AP4E1: variants seen among roughly 807,000 people sequenced by gnomAD.
AP4E1 encodes the protein adaptor related protein complex 4 subunit epsilon 1, also known as AP-4 complex subunit epsilon-1.
Under a neutral mutation model 128.2 loss-of-function variants are expected in AP4E1, and 56 were observed. The observed-to-expected ratio is 0.44, with a 90% CI of 0.35 to 0.55. AP4E1 has a LOEUF of 0.55. Among genes scored for constraint, AP4E1 ranks in the 20% least tolerant of loss-of-function variants. The pLI, the probability that AP4E1 is intolerant of heterozygous loss-of-function variation, is 0.00. For missense variants in AP4E1, 1,324 were observed against 1,307.7 expected (o/e 1.01, Z -0.19); for synonymous variants, 484 against 473.1 (o/e 1.02, Z -0.30).
In AP4E1 at chr15:50,908,789, T is replaced by C; in HGVS notation, c.11T>C (p.Ile4Thr). ...CGGGCGGCGGCGGCGATGAGCGACA[T>C]AGTGGAGAAGACGCTGACGGCGCTG... is the stretch of plus-strand genomic sequence containing the variant. MSD[I>T]VEKTLTALPG... The change falls in exon 1 of 21, where the codon ATA (isoleucine) becomes ACA (threonine). Residue 4 changes from isoleucine (I) to threonine (T), a missense_variant. Transcript: ENST00000261842. The C allele has an allele frequency of 3.1e-6, 5 of 1,589,060 alleles. No homozygotes were observed. The highest frequency in any genetic ancestry group is 4.3e-6 in the Non-Finnish European group (5 of 1,168,314).
intron 6 of AP4E1, 99 bp downstream of exon 6, chr15:50,929,267 A>AG: frequency 2.3e-6 from 3 of 1,305,868 alleles, no homozygotes; most frequent in Non-Finnish European, 3.2e-6. Context: ...TGCTTAGTTA[A>AG]CATTTTATAA....
chr15:50,928,422 G>C (rs2063793076), intron 5 of AP4E1, among the ~76,000 whole-genome samples: 1 of 151,982 alleles, frequency 6.6e-6, no homozygotes, highest in Non-Finnish European at 1.5e-5. Flanking sequence ...CAAGTAACTG[G>C]AACTACAGGT....
rs2064998046 is a variant in AP4E1 at position 51,004,402 on chromosome 15, T to C, written c.*1740T>C. 1 of 152,220 alleles carries C rather than the reference T, an allele frequency of 6.6e-6. No homozygotes were observed. The highest frequency in any genetic ancestry group is 2.4e-5 in the African/African-American group (1 of 41,458). The allele number at this position is 152,220 out of a possible 1,614,324, so 9.4% of individuals were successfully genotyped here. ...AATTTTTTGTGTCCTTACTTCCCTATGTTTGCCTAGTTACTGAGGCTAGGT... is the reference window on the plus strand; with the variant it reads ...AATTTTTTGTGTCCTTACTTCCCTACGTTTGCCTAGTTACTGAGGCTAGGT... On this transcript the variant is annotated 3_prime_UTR_variant, in exon 21 of 21. Transcript: ENST00000261842.
chr15:50,954,578 G>C lies in AP4E1; in HGVS notation c.1549-3914G>C, dbSNP rs556247657. Among the ~76,000 whole-genome samples the C allele has an allele frequency of 4.8e-4, 73 of 152,128 alleles. 2 individuals carry two copies. In the South Asian group the frequency reaches 0.015, roughly 31 times the overall value. On this transcript the variant is annotated intron_variant, in intron 13 of 20. Transcript: ENST00000261842. Reference sequence around the variant, plus strand: ...GAAAATTTTCTGTTATCTTTCTGTTGCTGATTTCTAGTTTGCTTTCATTGT... The same window carrying C: ...GAAAATTTTCTGTTATCTTTCTGTTCCTGATTTCTAGTTTGCTTTCATTGT...
chr15:50,958,181 C>G (rs2064257056), intron 13 of AP4E1, among the ~76,000 whole-genome samples: 1 of 152,038 alleles, frequency 6.6e-6, no homozygotes, highest in South Asian at 2.1e-4. Flanking sequence ...TCAATAAGTG[C>G]TTACTGGAAA....
At chr15:50,981,275 A>G (rs1331468985) in intron 15 of AP4E1, among the ~76,000 whole-genome samples, 1 of 152,162 alleles carries the variant, frequency 6.6e-6, no homozygotes, top group Non-Finnish European at 1.5e-5. Flanking sequence ...GTGTTCCCAA[A>G]AGGTGGGACG....
chr15:50,910,683 T>C (rs1290274083), intron 1 of AP4E1, among the ~76,000 whole-genome samples: 1 of 152,128 alleles, frequency 6.6e-6, no homozygotes, highest in Non-Finnish European at 1.5e-5. Context: ...TGAGATGGAG[T>C]CTCACTCTGT....
chr15:51,000,952 A>G, intron 19 of AP4E1, 74 bp from the exon 20 acceptor site: 1 of 1,132,392 alleles, frequency 8.8e-7, no homozygotes, highest in African/African-American at 1.9e-5. Context: ...TATTCTCATG[A>G]GGCATTTGAA....
rs71127166 is a variant in AP4E1 at position 50,951,726 on chromosome 15, C to CTTT, written c.1548+1573_1548+1575dup. 5.4e-3 allele frequency among the ~76,000 whole-genome samples: 680 copies of CTTT among 126,008 alleles called. 16 individuals carry two copies. The highest frequency in any genetic ancestry group is 0.018 in the African/African-American group (588 of 33,016). The allele number at this position is 126,008 out of a possible 152,430, so 82.7% of individuals were successfully genotyped here. On this transcript the variant is annotated intron_variant, in intron 13 of 20. Coordinates refer to ENST00000261842, the MANE Select transcript of AP4E1 (RefSeq NM_007347.5). ...TTAGTTTTTTCAGTTAATTTTCTTT[C>CTTT]TTTTTTTTTTTTTTTTTTGAGACAG...
intron 10 of AP4E1, 100 bp from the exon 11 acceptor site, chr15:50,947,920 A>T (rs1186696538): frequency 1.0e-6 from 1 of 978,706 alleles, no homozygotes; most frequent in Non-Finnish European, 1.5e-6. Flanking sequence ...TCTCCATAAA[A>T]GTAGAAGAAT....
At chr15:50,927,195 C>T (rs1009232672) in intron 5 of AP4E1, among the ~76,000 whole-genome samples, 3 of 152,054 alleles carry the variant, frequency 2.0e-5, no homozygotes. Flanking sequence ...TGAAAGGTCC[C>T]GTTTCAATTT....
rs572517917 is a variant in AP4E1 at position 50,947,992 on chromosome 15, T to G, written c.1177-28T>G. On this transcript the variant is annotated intron_variant, in intron 10 of 20. Transcript: ENST00000261842. ...TGGTGTTATGCATAGTTTTATAATATTGTTTTTAATTTTTCTTCTTTAAAT... is the reference window on the plus strand; with the variant it reads ...TGGTGTTATGCATAGTTTTATAATAGTGTTTTTAATTTTTCTTCTTTAAAT... The G allele has an allele frequency of 9.9e-6, 15 of 1,512,848 alleles. No individual in the cohort carries two copies. In the South Asian group the frequency reaches 1.7e-4, roughly 17 times the overall value. The allele number at this position is 1,512,848 out of a possible 1,614,324, so 93.7% of individuals were successfully genotyped here. A position where few individuals can be genotyped will look rare whatever the true frequency, so the allele number is the denominator to read the frequency against.
At chr15:50,972,404 G>T (rs1022745727) in intron 15 of AP4E1, among the ~76,000 whole-genome samples, 3 of 151,994 alleles carry the variant, frequency 2.0e-5, no homozygotes, top group African/African-American at 7.2e-5. Flanking sequence ...TAGAGACGGG[G>T]TTTCACCATG....
At chr15:50,967,139 G>T (rs2064405114) in intron 14 of AP4E1, among the ~76,000 whole-genome samples, 1 of 151,966 alleles carries the variant, frequency 6.6e-6, no homozygotes, top group Non-Finnish European at 1.5e-5. Flanking sequence ...CCATAGATTT[G>T]TGAAAAAGCA....
At chr15:50,920,443 G>A (rs1055757673) in intron 3 of AP4E1, among the ~76,000 whole-genome samples, 1 of 145,156 alleles carries the variant, frequency 6.9e-6, no homozygotes, top group Non-Finnish European at 1.5e-5. Flanking sequence ...CAGAGTCTCT[G>A]TCACCTAGGC....
chr15:50,909,034 C>T (rs2063532139), intron 1 of AP4E1, 106 bp downstream of exon 1: 1 of 1,524,822 alleles, frequency 6.6e-7, no homozygotes, highest in South Asian at 1.2e-5. Context: ...GTTAGCCCTC[C>T]GGCGGGGCTC....
intron 10 of AP4E1, 72 bp downstream of exon 10, chr15:50,941,847 A>G: frequency 9.0e-7 from 1 of 1,105,478 alleles, no homozygotes; most frequent in Non-Finnish European, 1.4e-6. Context: ...TTGTGTAGAG[A>G]GATTAAAGTG....
Position 50,964,955 on chromosome 15 carries a change from C to CCACACACACACACACACACACACACA in AP4E1, c.1852-3296_1852-3271dup, listed in dbSNP as rs55825810. Among the ~76,000 whole-genome samples the CCACACACACACACACACACACACACA allele has an allele frequency of 1.2e-3, 160 of 131,448 alleles. 1 individual carries two copies. The highest frequency in any genetic ancestry group is 3.7e-3 in the African/African-American group (123 of 33,202). 86.2% of individuals were successfully genotyped at this position (131,448 alleles called of 152,430 possible). On this transcript the variant is annotated intron_variant, in intron 14 of 20. Coordinates refer to ENST00000261842, the MANE Select transcript of AP4E1 (RefSeq NM_007347.5). ...TTGTAAAGTATAACACCTCCCCCTA[C>CCACACACACACACACACACACACACA]CACACACACACACACACACACACAC...
At chr15:50,914,117 G>T (rs2063599595) in intron 2 of AP4E1, among the ~76,000 whole-genome samples, 1 of 152,134 alleles carries the variant, frequency 6.6e-6, no homozygotes, top group Non-Finnish European at 1.5e-5. Flanking sequence ...ACTGTGCCCA[G>T]CTAGTGTTTT....
Sources: allele counts gnomAD v4.1 joint callset (sites outside exome capture counted in the v4.1 genomes callset), GRCh38; gene constraint gnomAD v4.1.1; transcripts MANE v1.5; gene names NCBI Gene and HGNC (gene_info 2026-07-23, HGNC 2026-07-21).